Variants in ATF6 observed in about 807,000 individuals in gnomAD.
ATF6 encodes cyclic AMP-dependent transcription factor ATF-6 alpha.
A neutral mutation model predicts 83.6 loss-of-function variants in ATF6; 53 were observed. The observed-to-expected ratio is 0.63, with a 90% CI of 0.51 to 0.80. ATF6 has a LOEUF of 0.80. ATF6 is among the 30% of genes least tolerant of loss of function. The probability of loss-of-function intolerance (pLI) is 0.00; values close to 1 mark genes in which losing one functional copy is unlikely to be tolerated. For synonymous variants in ATF6, 288 were observed against 285.8 expected (o/e 1.01, Z -0.08); for missense variants, 744 against 797.9 (o/e 0.93, Z 0.81).
intron 12 of ATF6, among the ~76,000 whole-genome samples, chr1:161,855,694 A>C (rs1686741323): frequency 6.6e-6 from 1 of 152,190 alleles, no homozygotes; most frequent in Non-Finnish European, 1.5e-5. Context: ...GGCCAGTAAA[A>C]TAGGAGAAAT....
chr1:161,878,486 G>A (rs1272430876), intron 14 of ATF6, among the ~76,000 whole-genome samples: 1 of 152,044 alleles, frequency 6.6e-6, no homozygotes, highest in Non-Finnish European at 1.5e-5. Context: ...TATAGAGAGA[G>A]GAGGGTTCAG....
intron 15 of ATF6, among the ~76,000 whole-genome samples, chr1:161,951,356 C>T (rs189601862): frequency 1.1e-4 from 17 of 152,294 alleles, no homozygotes; most frequent in South Asian, 4.1e-4. Flanking sequence ...AACTATTCTG[C>T]GATGGCACTT....
At chr1:161,846,377 A>G in intron 9 of ATF6, 72 bp from the exon 10 acceptor site, 1 of 1,480,096 alleles carries the variant, frequency 6.8e-7, no homozygotes, top group Non-Finnish European at 9.1e-7. Context: ...GGTTTGTTTC[A>G]CAGCTGCATG....
chr1:161,778,393 CA>C (rs1684568923), intron 2 of ATF6, 73 bp downstream of exon 2: 2 of 1,203,664 alleles, frequency 1.7e-6, no homozygotes, highest in African/African-American at 3.0e-5. Context: ...AGTTTCAGGA[CA>C]ACAGGTTCAG....
At chr1:161,807,432 T>TTAA (rs1252188624) in intron 7 of ATF6, among the ~76,000 whole-genome samples, 1 of 152,228 alleles carries the variant, frequency 6.6e-6, no homozygotes, top group Non-Finnish European at 1.5e-5. Context: ...TAGGCACTTC[T>TTAA]TAATAACTTC....
intron 15 of ATF6, among the ~76,000 whole-genome samples, chr1:161,929,268 C>T (rs577181662): frequency 2.9e-4 from 44 of 152,264 alleles, no homozygotes; most frequent in African/African-American, 7.9e-4. Flanking sequence ...CTTGGAGGTA[C>T]GGTAAACAAA....
chr1:161,817,133 T>C (rs937030028), intron 7 of ATF6, among the ~76,000 whole-genome samples: 1 of 152,356 alleles, frequency 6.6e-6, no homozygotes, highest in African/African-American at 2.4e-5. Context: ...TGACAGCCTT[T>C]GAAACTTGAA....
At chr1:161,877,637 A>G (rs1405118546) in intron 14 of ATF6, among the ~76,000 whole-genome samples, 1 of 152,122 alleles carries the variant, frequency 6.6e-6, no homozygotes, top group Non-Finnish European at 1.5e-5. Context: ...GAGGGCCAGC[A>G]AAGGGATTTA....
intron 6 of ATF6, among the ~76,000 whole-genome samples, chr1:161,799,860 T>C (rs1030744396): frequency 1.3e-5 from 2 of 152,210 alleles, no homozygotes; most frequent in African/African-American, 4.8e-5. Flanking sequence ...AAGCTTTATT[T>C]TGATTTTTAG....
chr1:161,837,206 AT>A (rs1227797680), intron 9 of ATF6, among the ~76,000 whole-genome samples: 2 of 152,234 alleles, frequency 1.3e-5, no homozygotes, highest in Non-Finnish European at 2.9e-5. Context: ...AAGCTTTTGA[AT>A]GTACAGAAGT....
chr1:161,854,829 G>A (rs12036441), intron 12 of ATF6, among the ~76,000 whole-genome samples: 14,637 of 151,810 alleles, frequency 0.096, 1,263 homozygotes, highest in East Asian at 0.31. Context: ...CCGAGATCAC[G>A]CAGTCCAGCC....
At chr1:161,902,753 C>T (rs1687812211) in intron 14 of ATF6, among the ~76,000 whole-genome samples, 1 of 152,160 alleles carries the variant, frequency 6.6e-6, no homozygotes, top group Non-Finnish European at 1.5e-5. Context: ...AAAATGTCTG[C>T]TGTTATGGAG....
intron 15 of ATF6, among the ~76,000 whole-genome samples, chr1:161,916,732 A>G (rs752109487): frequency 1.3e-5 from 2 of 152,182 alleles, no homozygotes; most frequent in Non-Finnish European, 2.9e-5. Flanking sequence ...TACGTTTTTA[A>G]AAATTAGACT....
At chr1:161,838,649 A>G (rs2101809878) in intron 9 of ATF6, among the ~76,000 whole-genome samples, 1 of 152,324 alleles carries the variant, frequency 6.6e-6, no homozygotes, top group African/African-American at 2.4e-5. Context: ...TCTGGGTTCC[A>G]AGAATAAGCA....
At chr1:161,838,754 A>T (rs560543941) in intron 9 of ATF6, among the ~76,000 whole-genome samples, 40 of 152,316 alleles carry the variant, frequency 2.6e-4, no homozygotes, top group Non-Finnish European at 4.0e-4. Flanking sequence ...CATTTGGCAA[A>T]TAGCCACTGT....
At chr1:161,775,441 G>A (rs1167561211) in intron 1 of ATF6, among the ~76,000 whole-genome samples, 1 of 152,030 alleles carries the variant, frequency 6.6e-6, no homozygotes, top group Non-Finnish European at 1.5e-5. Flanking sequence ...CTATCATTCT[G>A]TCTATCATTC....
intron 2 of ATF6, among the ~76,000 whole-genome samples, chr1:161,778,860 T>C (rs1684578469): frequency 6.6e-6 from 1 of 152,184 alleles, no homozygotes; most frequent in Non-Finnish European, 1.5e-5. Context: ...TCTTGATTAG[T>C]ACATATAAAA....
At chr1:161,948,631 C>G (rs777264891) in intron 15 of ATF6, among the ~76,000 whole-genome samples, 3 of 152,130 alleles carry the variant, frequency 2.0e-5, no homozygotes, top group Non-Finnish European at 2.9e-5. Flanking sequence ...TGATTAGATT[C>G]CATCTAAGGA....
intron 14 of ATF6, among the ~76,000 whole-genome samples, chr1:161,869,811 A>G (rs1687084031): frequency 6.6e-6 from 1 of 151,856 alleles, no homozygotes; most frequent in South Asian, 2.1e-4. Flanking sequence ...ATATACAAAT[A>G]TTAACACTTC....
Sources: allele counts gnomAD v4.1 joint callset (sites outside exome capture counted in the v4.1 genomes callset), GRCh38; gene constraint gnomAD v4.1.1; transcripts MANE v1.5; gene names NCBI Gene and HGNC (gene_info 2026-07-23, HGNC 2026-07-21).